The following ERC1 variants were observed in gnomAD, a reference collection of about 807,000 sequenced individuals.
ERC1 encodes the protein RAB6 interacting protein 2.
Under a neutral mutation model 132.0 loss-of-function variants are expected in ERC1, and 56 were observed. The observed-to-expected ratio is 0.42, with a 90% CI of 0.34 to 0.53. The LOEUF (loss-of-function observed/expected upper bound fraction) is 0.53, where lower values mean the gene tolerates loss of function less well. Ranked by LOEUF, ERC1 falls within the 20% of genes least tolerant of loss-of-function variation. The probability of loss-of-function intolerance (pLI) is 0.03; values close to 1 mark genes in which losing one functional copy is unlikely to be tolerated. For missense variants in ERC1, 1,202 were observed against 1,349.9 expected (o/e 0.89, Z 1.72); for synonymous variants, 478 against 476.1 (o/e 1.00, Z -0.05).
chr12:1,297,584 C>G lies in ERC1; in HGVS notation c.2780+7572C>G, dbSNP rs536441259. Among the ~76,000 whole-genome samples, 5 of 147,744 alleles carry G rather than the reference C, an allele frequency of 3.4e-5. No homozygotes were observed. The South Asian group carries it at 1.1e-3, about 32-fold the overall frequency. On this transcript the variant is annotated intron_variant, in intron 15 of 18. Transcript: ENST00000360905. ...AATTAGCTGAGGATGGTGGCTCATA[C>G]TCTTGTTCCAATTACTTGGGAGGCT...
chr12:1,295,529 T>C (rs919863426), intron 15 of ERC1, among the ~76,000 whole-genome samples: 1 of 151,926 alleles, frequency 6.6e-6, no homozygotes. Flanking sequence ...CCGTGGGGAA[T>C]CTGGAGTTCC....
intron 8 of ERC1, among the ~76,000 whole-genome samples, chr12:1,156,377 A>C (rs1311134593): frequency 1.4e-4 from 22 of 152,016 alleles, no homozygotes; most frequent in Non-Finnish European, 1.5e-5. Flanking sequence ...AGTAGCTGGG[A>C]TTACAGGCGC....
intron 3 of ERC1, 86 bp downstream of exon 3, chr12:1,083,666 C>A: frequency 1.0e-6 from 1 of 965,330 alleles, no homozygotes; most frequent in Non-Finnish European, 1.6e-6. Context: ...AGTGAATCTA[C>A]GTGCTCTGCC....
At chr12:1,166,338 T>C (rs998844711) in intron 8 of ERC1, among the ~76,000 whole-genome samples, 2 of 152,158 alleles carry the variant, frequency 1.3e-5, no homozygotes, top group African/African-American at 4.8e-5. Flanking sequence ...CCTTGTGCCT[T>C]CCAAGCAAGT....
intron 17 of ERC1, among the ~76,000 whole-genome samples, chr12:1,442,089 G>A (rs534851540): frequency 4.8e-4 from 73 of 152,172 alleles, no homozygotes; most frequent in African/African-American, 1.6e-3. Context: ...CACCATGCCC[G>A]ACTAATTTTT....
At chr12:1,420,919 T>TG (rs57475289) in intron 17 of ERC1, among the ~76,000 whole-genome samples, 372 of 99,718 alleles carry the variant, frequency 3.7e-3, no homozygotes, top group South Asian at 5.0e-3. Context: ...GGTTTTGGTT[T>TG]GGGGGGGGGG....
chr12:995,308 G>T (rs1960607539), intron 1 of ERC1, among the ~76,000 whole-genome samples: 1 of 152,094 alleles, frequency 6.6e-6, no homozygotes, highest in South Asian at 2.1e-4. Flanking sequence ...AGGAGCTTAT[G>T]CTGTATTGTT....
chr12:1,296,142 T>C (rs978491591), intron 15 of ERC1, among the ~76,000 whole-genome samples: 1 of 151,794 alleles, frequency 6.6e-6, no homozygotes, highest in African/African-American at 2.4e-5. Flanking sequence ...AAATTTGACA[T>C]AGTGAGAACC....
intron 2 of ERC1, among the ~76,000 whole-genome samples, chr12:1,063,071 C>CT (rs983907093): frequency 2.7e-4 from 40 of 150,768 alleles, no homozygotes; most frequent in East Asian, 1.2e-3. Context: ...CCTTCATTTT[C>CT]TTTTTTTTTG....
intron 8 of ERC1, among the ~76,000 whole-genome samples, chr12:1,153,242 T>C (rs1354671560): frequency 6.6e-6 from 1 of 152,244 alleles, no homozygotes; most frequent in African/African-American, 2.4e-5. Flanking sequence ...TTAAAGGCTT[T>C]TCCCAAATCA....
At chr12:1,488,695 C>A (rs1032573340) in intron 18 of ERC1, among the ~76,000 whole-genome samples, 3 of 152,220 alleles carry the variant, frequency 2.0e-5, no homozygotes, top group African/African-American at 7.2e-5. Context: ...ACTTTATATT[C>A]CATTTTTAAT....
intron 4 of ERC1, among the ~76,000 whole-genome samples, chr12:1,109,564 A>G (rs1359699548): frequency 1.3e-5 from 2 of 152,176 alleles, no homozygotes; most frequent in African/African-American, 4.8e-5. Context: ...TTTTCACCAG[A>G]AATTTGTAAT....
At chr12:1,027,033 T>G (rs916000543) in intron 1 of ERC1, among the ~76,000 whole-genome samples, 8 of 152,236 alleles carry the variant, frequency 5.3e-5, no homozygotes, top group Non-Finnish European at 1.2e-4. Flanking sequence ...TGAACACAGA[T>G]AACTTTGTTT....
chr12:1,005,865 G>C (rs1336811746), intron 1 of ERC1, among the ~76,000 whole-genome samples: 1 of 151,626 alleles, frequency 6.6e-6, no homozygotes, highest in African/African-American at 2.4e-5. Flanking sequence ...CCAAAGTTCA[G>C]AATTAGGTTT....
chr12:1,223,534 T>A (rs1272609476), intron 12 of ERC1, among the ~76,000 whole-genome samples: 1 of 152,218 alleles, frequency 6.6e-6, no homozygotes, highest in Non-Finnish European at 1.5e-5. Flanking sequence ...AGTTCATGGA[T>A]CACACTTTAG....
chr12:1,052,891 A>G (rs1972272341), intron 2 of ERC1, among the ~76,000 whole-genome samples: 1 of 151,930 alleles, frequency 6.6e-6, no homozygotes, highest in Admixed American at 6.6e-5. Flanking sequence ...AATTTCTTGA[A>G]CCCAGGAGGT....
intron 11 of ERC1, 77 bp from the exon 12 acceptor site, chr12:1,189,782 T>C: frequency 8.8e-7 from 1 of 1,142,740 alleles, no homozygotes. Context: ...AATTGGAATA[T>C]AAATCATTGT....
At chr12:1,303,649 AT>A (rs1177544211) in intron 15 of ERC1, among the ~76,000 whole-genome samples, 2 of 149,750 alleles carry the variant, frequency 1.3e-5, no homozygotes, top group Non-Finnish European at 3.0e-5. Context: ...AAAAAAAAAA[AT>A]AAATAAATAA....
intron 8 of ERC1, among the ~76,000 whole-genome samples, chr12:1,164,094 T>A (rs1952129727): frequency 6.6e-6 from 1 of 152,170 alleles, no homozygotes; most frequent in African/African-American, 2.4e-5. Context: ...ACTTCTAATG[T>A]GGAAGCTGCT....
Sources: allele counts gnomAD v4.1 joint callset (sites outside exome capture counted in the v4.1 genomes callset), GRCh38; gene constraint gnomAD v4.1.1; transcripts MANE v1.5; gene names NCBI Gene and HGNC (gene_info 2026-07-23, HGNC 2026-07-21).